Variants in SCN1A observed in about 807,000 individuals in gnomAD.
SCN1A encodes sodium voltage-gated channel alpha subunit 1, also known as sodium channel protein type 1 subunit alpha.
In SCN1A, 13 loss-of-function variants were observed where a neutral mutation model predicts 193.7. The ratio of observed to expected loss-of-function variants is 0.07; its 90% CI spans 0.04 to 0.11. The LOEUF (loss-of-function observed/expected upper bound fraction) is 0.11. Ranked by LOEUF, SCN1A falls within the 10% of genes least tolerant of loss-of-function variation. SCN1A has a pLI of 1.00. For synonymous variants in SCN1A, 781 were observed against 843.6 expected, an observed-to-expected ratio of 0.93 and a Z score of 1.29; for missense variants, 1,432 against 2,451.1, an observed-to-expected ratio of 0.58 and a Z score of 8.78.
chr2:166,144,115 A>T (rs774263127), intron 1 of SCN1A, among the ~76,000 whole-genome samples: 2 of 152,234 alleles, frequency 1.3e-5, no homozygotes, highest in Admixed American at 1.3e-4. Context: ...TCCAGGCCTC[A>T]TTTGCAAGTT....
chr2:166,129,303 C>A (rs1469211167), upstream of SCN1A, among the ~76,000 whole-genome samples: 1 of 152,102 alleles, frequency 6.6e-6, no homozygotes, highest in South Asian at 2.1e-4. Flanking sequence ...CCTAAAAGTT[C>A]ACCATTTTTT....
At chr2:166,033,252 G>C (rs964788223) in intron 19 of SCN1A, among the ~76,000 whole-genome samples, 1 of 152,132 alleles carries the variant, frequency 6.6e-6, no homozygotes, top group Non-Finnish European at 1.5e-5. Flanking sequence ...AGCTGAAACA[G>C]TCTTTCTGAA....
Position 166,007,079 on chromosome 2 carries a change from T to G in SCN1A, c.4002+2640A>C, listed in dbSNP as rs534632576. Among the ~76,000 whole-genome samples, 21 of 150,822 alleles carry G rather than the reference T, an allele frequency of 1.4e-4. No individual in the cohort carries two copies. The highest frequency in any genetic ancestry group is 2.2e-4 in the Non-Finnish European group (15 of 67,330). On this transcript the variant is annotated intron_variant, in intron 23 of 28. Transcript: ENST00000674923. ...GGTTTTTTTTTTTTTCAAATGAAAT[T>G]TAAGACAATTGAAAAGAGGGGATTA...
At chr2:166,003,522 T>C (rs967533599) in intron 23 of SCN1A, among the ~76,000 whole-genome samples, 3 of 151,142 alleles carry the variant, frequency 2.0e-5, no homozygotes, top group Non-Finnish European at 4.4e-5. Context: ...AATTATTATC[T>C]ACTTTTTTTT....
chr2:165,998,389 T>G (rs1286159609), intron 25 of SCN1A, among the ~76,000 whole-genome samples: 1 of 151,090 alleles, frequency 6.6e-6, no homozygotes, highest in Non-Finnish European at 1.5e-5. Context: ...TTCTAAAATC[T>G]ATTTTTATAA....
chr2:166,039,302 A>G (rs1696840623), intron 17 of SCN1A, 121 bp downstream of exon 17: 12 of 991,134 alleles, frequency 1.2e-5, no homozygotes, highest in Non-Finnish European at 1.5e-5. Flanking sequence ...GACAATGCAA[A>G]TGTTACAGAA....
chr2:166,001,773 G>A (rs1374193709), intron 24 of SCN1A, among the ~76,000 whole-genome samples: 2 of 150,476 alleles, frequency 1.3e-5, no homozygotes, highest in African/African-American at 2.4e-5. Flanking sequence ...TTAATATTTA[G>A]GACAAAATAG....
chr2:166,096,625 C>T (rs1043067790), intron 2 of SCN1A, among the ~76,000 whole-genome samples: 1 of 152,128 alleles, frequency 6.6e-6, no homozygotes, highest in Admixed American at 6.5e-5. Context: ...TATAGATATG[C>T]AAATACCTTC....
At chr2:166,054,388 G>T (rs1698914192) in intron 7 of SCN1A, among the ~76,000 whole-genome samples, 1 of 151,816 alleles carries the variant, frequency 6.6e-6, no homozygotes, top group Non-Finnish European at 1.5e-5. Flanking sequence ...TGTGTGTGTG[G>T]AAGAGTGGCA....
chr2:166,059,740 A>T (rs942575519), intron 4 of SCN1A, among the ~76,000 whole-genome samples: 1 of 152,190 alleles, frequency 6.6e-6, no homozygotes, highest in Non-Finnish European at 1.5e-5. Flanking sequence ...CAGCAAGCAT[A>T]AATGTTATGT....
Position 166,073,531 on chromosome 2 carries a change from C to T in SCN1A, c.91G>A (p.Glu31Lys), listed in dbSNP as rs1368004941. The T allele has an allele frequency of 6.2e-7, 1 of 1,614,130 alleles. No individual in the cohort carries two copies. Among genetic ancestry groups the T allele is most frequent in the Admixed American group, 1.7e-5 (1 of 60,012 alleles). The change falls in exon 4 of 29, where the codon GAA becomes AAA. Residue 31 changes from glutamate to lysine, a missense_variant. Transcript: ENST00000674923. ...SLAAIERRIA[E>K]EKAKNPKPDK... ...GGTTTGGGATTCTTTGCCTTTTCTT[C>T]TGCAATGCGTCTTTCAATAGCCGCA...
At chr2:166,027,503 A>T (rs983563039) in intron 19 of SCN1A, among the ~76,000 whole-genome samples, 6 of 151,904 alleles carry the variant, frequency 3.9e-5, no homozygotes, top group African/African-American at 1.2e-4. Context: ...TATAATAAGT[A>T]ATATAAATAA....
chr2:166,101,613 T>C (rs549599213), intron 2 of SCN1A, among the ~76,000 whole-genome samples: 1 of 151,130 alleles, frequency 6.6e-6, no homozygotes, highest in African/African-American at 2.4e-5. Flanking sequence ...CAATCGATAA[T>C]AGCAAGCAAG....
chr2:166,028,018 G>A lies in SCN1A; in HGVS notation c.3429+8030C>T, dbSNP rs565241863. Among the ~76,000 whole-genome samples, 4 of 152,198 alleles carry A rather than the reference G, an allele frequency of 2.6e-5. No individual in the cohort carries two copies. The South Asian group carries it at 8.3e-4, about 32-fold the overall frequency. On this transcript the variant is annotated intron_variant, in intron 19 of 28. Coordinates refer to ENST00000674923, the MANE Select transcript of SCN1A (RefSeq NM_001165963.4). ...TTCTTCATCAAGCTGTATGTTGAAA[G>A]GACAATCTTCAGTGATTATTCATAT...
At chr2:166,009,278 T>C (rs1036857057) in intron 23 of SCN1A, 1 of 151,532 alleles carries the variant, frequency 6.6e-6, no homozygotes, top group Non-Finnish European at 1.5e-5. Flanking sequence ...ACTCCTTTCA[T>C]TTTTTTCTTA....
In SCN1A at chr2:166,049,062, T is replaced by A. The variant is rs1542483; in HGVS notation, c.965-113A>T. The A allele has an allele frequency of 0.52, 367,860 of 708,058 alleles. 97,099 individuals are homozygous for A. Among genetic ancestry groups the A allele is most frequent in the East Asian group, 0.55 (20,002 of 36,352 alleles). The allele number at this position is 708,058 out of a possible 1,614,324, so 43.9% of individuals were successfully genotyped here. ...GTTTATTGAGTAATTTTAAATATAT[T>A]ATTCATTCAAAGGCACAAGTATTTG... On this transcript the variant is annotated intron_variant, in intron 9 of 28. Coordinates refer to ENST00000674923, the MANE Select transcript of SCN1A (RefSeq NM_001165963.4).
At chr2:166,122,417 T>C (rs530610241) in intron 2 of SCN1A, among the ~76,000 whole-genome samples, 6 of 152,226 alleles carry the variant, frequency 3.9e-5, no homozygotes, top group African/African-American at 1.4e-4. Flanking sequence ...AAGAAACATT[T>C]TGTTGTGAAG....
intron 3 of SCN1A, 38 bp from the exon 4 acceptor site, chr2:166,073,708 C>T: frequency 7.5e-7 from 1 of 1,339,856 alleles, no homozygotes; most frequent in Non-Finnish European, 1.0e-6. Context: ...AAAGAGTGGA[C>T]TAAGAGATGT....
intron 1 of SCN1A, among the ~76,000 whole-genome samples, chr2:166,136,958 T>C (rs1206112219): frequency 1.3e-5 from 2 of 152,178 alleles, no homozygotes; most frequent in Non-Finnish European, 2.9e-5. Flanking sequence ...GGACCCCAAG[T>C]TTCTCAATCC....
Sources: allele counts gnomAD v4.1 joint callset (sites outside exome capture counted in the v4.1 genomes callset), GRCh38; gene constraint gnomAD v4.1.1; transcripts MANE v1.5; gene names NCBI Gene and HGNC (gene_info 2026-07-23, HGNC 2026-07-21).